Variants in PARD3B observed in about 807,000 individuals in gnomAD.
The protein encoded by PARD3B is partitioning defective 3 homolog B.
A neutral mutation model predicts 130.2 loss-of-function variants in PARD3B; 103 were observed. The ratio of observed to expected loss-of-function variants is 0.79; its 90% CI spans 0.67 to 0.93. The LOEUF is 0.93. Among genes scored for constraint, PARD3B ranks in the 40% least tolerant of loss-of-function variants. The pLI is 0.00. For synonymous variants in PARD3B, 583 were observed against 553.2 expected (o/e 1.05, Z -0.76); for missense variants, 1,609 against 1,499.2 (o/e 1.07, Z -1.21).
intron 1 of PARD3B, among the ~76,000 whole-genome samples, chr2:204,674,632 C>T (rs1168038520): frequency 2.6e-5 from 4 of 152,042 alleles, no homozygotes; most frequent in East Asian, 1.9e-4. Flanking sequence ...TAAACACGGC[C>T]GCCAGTACCT....
intron 20 of PARD3B, among the ~76,000 whole-genome samples, chr2:205,441,637 G>A (rs1473901199): frequency 6.6e-6 from 1 of 152,140 alleles, no homozygotes; most frequent in African/African-American, 2.4e-5. Flanking sequence ...TTGTGTGATG[G>A]CATGATATAT....
chr2:205,024,389 G>C (rs561119686), intron 3 of PARD3B, among the ~76,000 whole-genome samples: 5 of 151,878 alleles, frequency 3.3e-5, no homozygotes, highest in Admixed American at 1.3e-4. Flanking sequence ...AGCTGGTCTC[G>C]AACTCCACAC....
At chr2:205,593,277 T>C (rs1575441986) in intron 22 of PARD3B, among the ~76,000 whole-genome samples, 1 of 152,248 alleles carries the variant, frequency 6.6e-6, no homozygotes, top group East Asian at 1.9e-4. Context: ...TAGTTATTTT[T>C]CCCCACCTTG....
At chr2:205,410,986 T>C (rs2046577856) in intron 19 of PARD3B, among the ~76,000 whole-genome samples, 1 of 152,202 alleles carries the variant, frequency 6.6e-6, no homozygotes, top group Non-Finnish European at 1.5e-5. Context: ...AATATGCTTT[T>C]TCTGCATTTC....
intron 18 of PARD3B, among the ~76,000 whole-genome samples, chr2:205,312,150 C>T (rs1197852290): frequency 2.6e-5 from 4 of 152,124 alleles, no homozygotes; most frequent in Admixed American, 6.6e-5. Context: ...GTAATGTGGC[C>T]GCAGCCTGTC....
chr2:205,070,949 A>G (rs1220190743), intron 4 of PARD3B, among the ~76,000 whole-genome samples: 1 of 152,126 alleles, frequency 6.6e-6, no homozygotes, highest in African/African-American at 2.4e-5. Context: ...ACAGCTTTCT[A>G]TAACTGGGGC....
At chr2:205,184,071 G>C (rs1332410982) in intron 13 of PARD3B, among the ~76,000 whole-genome samples, 2 of 152,036 alleles carry the variant, frequency 1.3e-5, no homozygotes, top group African/African-American at 2.4e-5. Flanking sequence ...AATCTTTTTT[G>C]TTCTATTCAT....
At chr2:204,800,353 A>C (rs2042523466) in intron 2 of PARD3B, among the ~76,000 whole-genome samples, 1 of 151,358 alleles carries the variant, frequency 6.6e-6, no homozygotes, top group South Asian at 2.1e-4. Context: ...AAAGAAAAAA[A>C]TCAAAGCACA....
chr2:204,757,595 G>A (rs2040733631), intron 2 of PARD3B, among the ~76,000 whole-genome samples: 1 of 151,940 alleles, frequency 6.6e-6, no homozygotes, highest in African/African-American at 2.4e-5. Context: ...CTTTTTAATG[G>A]GGTTATTTTG....
chr2:204,893,452 T>C (rs1393730962), intron 2 of PARD3B, among the ~76,000 whole-genome samples: 1 of 152,228 alleles, frequency 6.6e-6, no homozygotes, highest in Admixed American at 6.6e-5. Flanking sequence ...TAAATGGTTT[T>C]TTTTTGCATG....
At chr2:205,495,544 G>A (rs2049893566) in intron 20 of PARD3B, among the ~76,000 whole-genome samples, 1 of 152,188 alleles carries the variant, frequency 6.6e-6, no homozygotes, top group Non-Finnish European at 1.5e-5. Flanking sequence ...ATGATCTGAT[G>A]TCACTTCTGA....
At chr2:205,485,894 T>C (rs1383745826) in intron 20 of PARD3B, among the ~76,000 whole-genome samples, 11 of 152,154 alleles carry the variant, frequency 7.2e-5, no homozygotes. Context: ...CCCTCTGCTC[T>C]GAGCTACTGC....
At chr2:205,441,407 G>A (rs1437786140) in intron 20 of PARD3B, among the ~76,000 whole-genome samples, 1 of 152,146 alleles carries the variant, frequency 6.6e-6, no homozygotes, top group African/African-American at 2.4e-5. Flanking sequence ...ATGTAAGAGA[G>A]TTTTAGTCGA....
At chr2:204,568,601 G>C (rs192975131) in intron 1 of PARD3B, among the ~76,000 whole-genome samples, 121 of 152,186 alleles carry the variant, frequency 8.0e-4, no homozygotes, top group Non-Finnish European at 6.8e-4. Flanking sequence ...TAAAATATTT[G>C]AAATATGTTG....
intron 2 of PARD3B, among the ~76,000 whole-genome samples, chr2:204,692,050 T>A (rs956807055): frequency 6.6e-6 from 1 of 152,164 alleles, no homozygotes; most frequent in Non-Finnish European, 1.5e-5. Context: ...ACTAGTGACC[T>A]AAAGCCAGGC....
chr2:204,633,938 G>A (rs2034781551), intron 1 of PARD3B, among the ~76,000 whole-genome samples: 1 of 152,180 alleles, frequency 6.6e-6, no homozygotes, highest in African/African-American at 2.4e-5. Context: ...AGCACATGAT[G>A]AAGAATGGGG....
intron 21 of PARD3B, among the ~76,000 whole-genome samples, chr2:205,527,477 A>ATGTT (rs1243705466): frequency 4.6e-5 from 7 of 152,152 alleles, no homozygotes; most frequent in Admixed American, 2.0e-4. Flanking sequence ...TAAATCACTA[A>ATGTT]TGTTTGAGTT....
Position 205,495,990 on chromosome 2 carries a change from T to C in PARD3B, c.3045-3906T>C, listed in dbSNP as rs571086140. On this transcript the variant is annotated intron_variant, in intron 20 of 22. Transcript: ENST00000406610. ...CTGAGGTTCTAGGCTAAAAGAATTC[T>C]GAGAATTCTTTCCCAATTACAGCAT... Among the ~76,000 whole-genome samples, 3 of 152,286 alleles carry C rather than the reference T, an allele frequency of 2.0e-5. No individual in the cohort carries two copies. In the East Asian group the frequency reaches 5.8e-4, roughly 29 times the overall value.
At chr2:204,996,977 G>C (rs1236016583) in intron 3 of PARD3B, among the ~76,000 whole-genome samples, 3 of 152,052 alleles carry the variant, frequency 2.0e-5, no homozygotes, top group Admixed American at 6.5e-5. Context: ...TGCGCCCACT[G>C]TCTGGCACTC....
Sources: allele counts gnomAD v4.1 joint callset (sites outside exome capture counted in the v4.1 genomes callset), GRCh38; gene constraint gnomAD v4.1.1; transcripts MANE v1.5; gene names NCBI Gene and HGNC (gene_info 2026-07-23, HGNC 2026-07-21).